Variants in ZNF484 observed in about 807,000 individuals in gnomAD.
The protein encoded by ZNF484 is KRAB box containing C2H2 type zinc finger bA526D8.4.
A neutral mutation model predicts 12.9 loss-of-function variants in ZNF484; 11 were observed. That is an observed-to-expected ratio of 0.85 (90% CI 0.54 to 1.41). The LOEUF (loss-of-function observed/expected upper bound fraction) is 1.41, where lower values mean the gene tolerates loss of function less well. Among genes scored for constraint, ZNF484 ranks in the 40% most tolerant of loss-of-function variants. ZNF484 has a pLI of 0.00. For synonymous variants in ZNF484, 289 were observed against 334.1 expected (o/e 0.86, Z 1.47); for missense variants, 807 against 1,007.7 (o/e 0.80, Z 2.70).
At chr9:92,852,068 A>G (rs1430096979) in intron 4 of ZNF484, among the ~76,000 whole-genome samples, 1 of 152,254 alleles carries the variant, frequency 6.6e-6, no homozygotes, top group Admixed American at 6.5e-5. Context: ...GAAATAGAGC[A>G]AAACGACCTC....
rs752688482 is a variant in ZNF484, at chr9:92,847,573, A to G, written c.1214T>C (p.Ile405Thr). 1.2e-6 allele frequency: 2 copies of G among 1,614,046 alleles called. No homozygotes were observed. Among genetic ancestry groups the G allele is most frequent in the Non-Finnish European group, 1.7e-6 (2 of 1,180,008 alleles). ...TACATAAGGTTTTTCTCCTGTATGGATTTTCTGATGCATACTTAGTGTTGA... is the reference window on the plus strand; with the variant it reads ...TACATAAGGTTTTTCTCCTGTATGGGTTTTCTGATGCATACTTAGTGTTGA... ...RKSTLSMHQK[I>T]HTGEKPYVCT... The change falls in exon 5 of 5, where the codon ATC (isoleucine) becomes ACC (threonine). Residue 405 changes from isoleucine (I) to threonine (T), a missense_variant. Ile to Thr is a moderately conservative substitution (Grantham distance 89, BLOSUM62 -1). Coordinates refer to ENST00000375495, the MANE Select transcript of ZNF484 (RefSeq NM_031486.4).
rs1857948695 is a variant in ZNF484, at chr9:92,878,019, C to T, written c.-160G>A. On this transcript the variant is annotated 5_prime_UTR_variant, in exon 1 of 5. Coordinates refer to ENST00000375495, the MANE Select transcript of ZNF484 (RefSeq NM_031486.4). ...CCAGGCCTAGAGGTACTTCTTACAG[C>T]GCTGCCTGGGTTTGCGCATGCTCAG... The T allele has an allele frequency of 4.4e-6, 3 of 681,594 alleles. No homozygotes were observed. Among genetic ancestry groups the T allele is most frequent in the Non-Finnish European group, 7.2e-6 (3 of 418,076 alleles). 42.2% of individuals were successfully genotyped at this position (681,594 alleles called of 1,614,324 possible).
intron 2 of ZNF484, among the ~76,000 whole-genome samples, chr9:92,874,306 CTTTCTT>C (rs1229016925): frequency 1.6e-4 from 20 of 121,952 alleles, no homozygotes; most frequent in African/African-American, 4.3e-4. Context: ...TTCTTTCTTT[CTTTCTT>C]TTTTTTTTTT....
Position 92,848,063 on chromosome 9 carries a change from G to C in ZNF484, c.724C>G (p.Gln242Glu), listed in dbSNP as rs371753086. The change falls in exon 5 of 5, where the codon CAG becomes GAG. Residue 242 changes from glutamine (Q) to glutamate (E), a missense_variant. By Grantham distance (29) the Gln-to-Glu change is conservative. Coordinates refer to ENST00000375495, the MANE Select transcript of ZNF484 (RefSeq NM_031486.4). This position sits in a 1 kb window ranked among gnomAD's most constrained non-coding sequence, Gnocchi z 4.1. ...AGGCTCTCTCTAGTATGAATTTTCTGTTGTTGAATGAGAGCTTGCTTATGA... is the reference window on the plus strand; with the variant it reads ...AGGCTCTCTCTAGTATGAATTTTCTCTTGTTGAATGAGAGCTTGCTTATGA... ...LHHKQALIQQ[Q>E]KIHTRESLYL... The C allele has an allele frequency of 6.9e-5, 111 of 1,614,090 alleles. No individual in the cohort carries two copies. Among genetic ancestry groups the C allele is most frequent in the Non-Finnish European group, 8.4e-5 (99 of 1,180,052 alleles).
chr9:92,866,395 C>T (rs1307305697), intron 2 of ZNF484, among the ~76,000 whole-genome samples: 2 of 152,186 alleles, frequency 1.3e-5, no homozygotes, highest in Non-Finnish European at 2.9e-5. Flanking sequence ...AAAAAAAGCT[C>T]AACATCACTG....
chr9:92,859,268 C>CA (rs1170286018), intron 2 of ZNF484, among the ~76,000 whole-genome samples: 5 of 151,622 alleles, frequency 3.3e-5, no homozygotes, highest in Admixed American at 6.6e-5. Context: ...AAAAACAAAA[C>CA]AAAAAAAAGA....
chr9:92,873,295 A>T (rs557963850), intron 2 of ZNF484, among the ~76,000 whole-genome samples: 5 of 152,278 alleles, frequency 3.3e-5, no homozygotes, highest in African/African-American at 9.6e-5. Context: ...GCCTCCCAGA[A>T]CTGTGAGAAA....
rs143912270 is a variant in ZNF484 at position 92,874,496 on chromosome 9, C to T, written c.15+519G>A. ...CTGGCTAATTTTTGTATTTTTAGTG[C>T]AGACGGGGTTTCACCTTGTTGGCCA... On this transcript the variant is annotated intron_variant, in intron 2 of 4. Transcript: ENST00000375495. 2.6e-3 allele frequency among the ~76,000 whole-genome samples: 391 copies of T among 151,910 alleles called. 14 individuals are homozygous for T. In the East Asian group the frequency reaches 0.048, roughly 19 times the overall value.
At chr9:92,851,809 C>T (rs1459773215) in intron 4 of ZNF484, among the ~76,000 whole-genome samples, 1 of 152,146 alleles carries the variant, frequency 6.6e-6, no homozygotes, top group Non-Finnish European at 1.5e-5. Context: ...ATTTGGGGTT[C>T]TCTGCTTTAA....
chr9:92,875,146 G>T, intron 1 of ZNF484, 87 bp from the exon 2 acceptor site: 1 of 1,113,858 alleles, frequency 9.0e-7, no homozygotes, highest in Non-Finnish European at 1.3e-6. Flanking sequence ...TAGTGCCCTT[G>T]CACCTTACTC....
intron 2 of ZNF484, among the ~76,000 whole-genome samples, chr9:92,864,942 A>T (rs1856979755): frequency 1.3e-5 from 2 of 152,312 alleles, no homozygotes; most frequent in South Asian, 4.1e-4. Flanking sequence ...CAAATATGCA[A>T]TAGTCAAAAA....
At chr9:92,871,439 C>CA (rs770217766) in intron 2 of ZNF484, among the ~76,000 whole-genome samples, 1 of 151,826 alleles carries the variant, frequency 6.6e-6, no homozygotes, top group African/African-American at 2.4e-5. Flanking sequence ...GGGACAATAA[C>CA]AAAAAATCTA....
In ZNF484 at chr9:92,847,063, CTA is replaced by C; in HGVS notation, c.1722_1723del (p.His574GlnfsTer10). 6.2e-7 allele frequency: 1 copy of C among 1,613,524 alleles called. No homozygotes were observed. The highest frequency in any genetic ancestry group is 1.3e-5 in the African/African-American group (1 of 74,868). On this transcript the variant is annotated frameshift_variant, in exon 5 of 5. Transcript: ENST00000375495. LOFTEE classifies it low-confidence loss of function (END_TRUNC). The stretch of plus-strand genomic sequence containing the variant: ...AGTGCAAACATATGGTTTTTCCCCT[CTA>C]TGAATTCTCTGGTGCATACTTAATG...
At position 92,846,966 on chromosome 9, in the gene ZNF484, G is replaced by C; in HGVS notation, c.1821C>G (p.Pro607=). Residue 607 remains proline, a synonymous_variant, in exon 5 of 5, where the codon CCC becomes CCG. Transcript: ENST00000375495. The part of the protein sequence containing the change: ...THERIHTGEK[P]YECSICGKSF... ...ATTTCCCACAAATACTGCATTCATA[G>C]GGTTTCTCTCCAGTATGAATTCTCT... is the stretch of plus-strand genomic sequence containing the variant. 1 of 1,614,036 alleles carries C rather than the reference G, an allele frequency of 6.2e-7. No homozygotes were observed. The highest frequency in any genetic ancestry group is 8.5e-7 in the Non-Finnish European group (1 of 1,180,006).
Position 92,847,281 on chromosome 9 carries a change from A to G in ZNF484, c.1506T>C (p.Gly502=). 2 of 1,614,066 alleles carry G rather than the reference A, an allele frequency of 1.2e-6. No homozygotes were observed. Among genetic ancestry groups the G allele is most frequent in the Non-Finnish European group, 1.7e-6 (2 of 1,179,988 alleles). ...GERPYICTVC[G]KAFTDRSNLI... ...GATTTGACCTGTCAGTAAAGGCCTT[A>G]CCACACACAGTACATATATAGGGTC... is the stretch of plus-strand genomic sequence containing the variant. The change falls in exon 5 of 5, where the codon GGT becomes GGC. Residue 502 remains glycine (G), a synonymous_variant. Transcript: ENST00000375495.
intron 2 of ZNF484, among the ~76,000 whole-genome samples, chr9:92,874,649 GCT>G (rs1857686330): frequency 6.6e-6 from 1 of 152,124 alleles, no homozygotes; most frequent in African/African-American, 2.4e-5. Flanking sequence ...GTTGAAGACT[GCT>G]CTGTCATTAA....
In ZNF484 at chr9:92,847,161, A is replaced by T. The variant is rs1855680225; in HGVS notation, c.1626T>A (p.His542Gln). Reference sequence around the variant, plus strand: ...GTCTCTCTCCAGTATGACACTTCTGATGTATCCTGAGCCGAGACTTCCAGG... The same window carrying T: ...GTCTCTCTCCAGTATGACACTTCTGTTGTATCCTGAGCCGAGACTTCCAGG... ...SFTWKSRLRIHQKCHTGERHY... is the reference protein window; with the variant it reads ...SFTWKSRLRIQQKCHTGERHY... The change falls in exon 5 of 5, where the codon CAT becomes CAA. Residue 542 changes from histidine (H) to glutamine (Q), a missense_variant. By Grantham distance (24) the His-to-Gln change is conservative. Transcript: ENST00000375495. The T allele has an allele frequency of 6.2e-7, 1 of 1,613,928 alleles. No individual in the cohort carries two copies. The highest frequency in any genetic ancestry group is 1.7e-5 in the Admixed American group (1 of 59,996).
intron 1 of ZNF484, 38 bp from the exon 2 acceptor site, chr9:92,875,097 G>A (rs1228949017): frequency 4.4e-6 from 7 of 1,600,370 alleles, no homozygotes; most frequent in Non-Finnish European, 6.0e-6. Context: ...CATGAGAGAA[G>A]GAACTGTGCC....
chr9:92,859,919 C>T (rs1460813500), intron 2 of ZNF484, among the ~76,000 whole-genome samples: 1 of 152,138 alleles, frequency 6.6e-6, no homozygotes, highest in East Asian at 1.9e-4. Context: ...GTCATATGGA[C>T]AGCACTTACT....
Sources: gnomAD v4.1 joint callset for allele counts (sites outside exome capture counted in the v4.1 genomes callset) on GRCh38, gnomAD v4.1.1 for gene constraint, Gnocchi (gnomAD v3.1) non-coding constraint, MANE v1.5 for transcripts, NCBI Gene and HGNC (gene_info 2026-07-23, HGNC 2026-07-21) for gene names.